Variants in IREB2 observed in about 807,000 individuals in gnomAD.
IREB2 encodes the protein iron responsive element binding protein 2, also known as iron-responsive element-binding protein 2.
Under a neutral mutation model 118.8 loss-of-function variants are expected in IREB2, and 39 were observed. That is an observed-to-expected ratio of 0.33 (90% confidence interval 0.25 to 0.43). The LOEUF is 0.43. Among genes scored for constraint, IREB2 ranks in the 20% least tolerant of loss-of-function variants. The pLI, the probability that IREB2 is intolerant of heterozygous loss-of-function variation, is 1.00. For synonymous variants in IREB2, 372 were observed against 392.2 expected (o/e 0.95, Z 0.61); for missense variants, 900 against 1,147.3 (o/e 0.78, Z 3.11).
At chr15:78,462,651 TATG>T (rs1386391564) in intron 2 of IREB2, among the ~76,000 whole-genome samples, 2 of 152,218 alleles carry the variant, frequency 1.3e-5, no homozygotes, top group Non-Finnish European at 2.9e-5. Flanking sequence ...ATAGTTGCAG[TATG>T]ATATTCCTAA....
rs574089689 is a variant in IREB2 at position 78,448,603 on chromosome 15, T to C, written c.106+8722T>C. Among the ~76,000 whole-genome samples, 37 of 152,382 alleles carry C rather than the reference T, an allele frequency of 2.4e-4. No individual in the cohort carries two copies. The East Asian group carries it at 5.6e-3, about 23-fold the overall frequency. On this transcript the variant is annotated intron_variant, in intron 2 of 21. Transcript: ENST00000258886. ...AGAGACAGAAACACTTACTTGACTC[T>C]AGTCAGACATAGGCATGGGTTAGTC...
In IREB2 at chr15:78,490,620, C is replaced by A; in HGVS notation, c.2183C>A (p.Thr728Asn). ...IRCPSFFDKL[T>N]KEPIALQAIE... is the part of the protein sequence containing the mutation. ...ATGCCTTGAACTTTTACCTTCTAGA[C>A]CAAAGAGCCAATTGCACTCCAGGCT... The change falls in exon 18 of 22, where the codon ACC (threonine) becomes AAC (asparagine). Residue 728 changes from threonine to asparagine, a missense_variant and splice_region_variant. Thr to Asn is a moderately conservative substitution (Grantham distance 65). Transcript: ENST00000258886. 1.2e-6 allele frequency: 2 copies of A among 1,613,920 alleles called. No individual in the cohort carries two copies. Among genetic ancestry groups the A allele is most frequent in the Non-Finnish European group, 1.7e-6 (2 of 1,179,916 alleles).
At chr15:78,497,425 C>A in intron 21 of IREB2, 114 bp downstream of exon 21, 3 of 764,518 alleles carry the variant, frequency 3.9e-6, no homozygotes, top group South Asian at 3.6e-5. Context: ...TGTTAAGTTG[C>A]CATTTAAGAT....
At chr15:78,488,604 A>G (rs1298628976) in intron 15 of IREB2, 43 bp from the exon 16 acceptor site, 4 of 1,557,708 alleles carry the variant, frequency 2.6e-6, no homozygotes, top group Non-Finnish European at 3.5e-6. Context: ...ACATTTTCAG[A>G]GTTATTTTTT....
intron 2 of IREB2, among the ~76,000 whole-genome samples, chr15:78,449,490 T>C (rs1015483395): frequency 1.3e-5 from 2 of 152,226 alleles, no homozygotes; most frequent in South Asian, 4.1e-4. Flanking sequence ...ATGTCCTATA[T>C]AGAGAGGTAG....
chr15:78,478,263 C>A (rs1324060579), intron 9 of IREB2, 34 bp from the exon 10 acceptor site: 1 of 1,320,976 alleles, frequency 7.6e-7, no homozygotes. Context: ...AAATTTCTCA[C>A]TGCATTTTGT....
intron 18 of IREB2, among the ~76,000 whole-genome samples, chr15:78,490,969 G>C (rs2051741780): frequency 6.6e-6 from 1 of 151,978 alleles, no homozygotes; most frequent in African/African-American, 2.4e-5. Context: ...TGTGACTTTA[G>C]AAAATGAAAT....
chr15:78,465,116 T>C (rs1474970123), intron 3 of IREB2, 135 bp from the exon 4 acceptor site: 5 of 685,860 alleles, frequency 7.3e-6, no homozygotes, highest in Admixed American at 3.3e-5. Flanking sequence ...TCCTAACTTA[T>C]AAAGTACATT....
intron 8 of IREB2, 160 bp downstream of exon 8, chr15:78,473,541 G>A (rs1274381873): frequency 1.7e-6 from 1 of 601,738 alleles, no homozygotes; most frequent in Non-Finnish European, 2.9e-6. Flanking sequence ...AACAAACAGA[G>A]CATTTAGTTT....
At chr15:78,463,579 C>G (rs762976774) in intron 3 of IREB2, among the ~76,000 whole-genome samples, 6 of 151,962 alleles carry the variant, frequency 3.9e-5, no homozygotes, top group Non-Finnish European at 8.8e-5. Context: ...TGAAGCAATT[C>G]ATTAAAAATT....
chr15:78,463,497 TTTG>T (rs1242833471), intron 3 of IREB2, among the ~76,000 whole-genome samples: 1 of 152,030 alleles, frequency 6.6e-6, no homozygotes, highest in African/African-American at 2.4e-5. Flanking sequence ...TCTGTGTTTT[TTTG>T]TTTTGTTTTG....
In IREB2 at chr15:78,485,828, T is replaced by A; in HGVS notation, c.1697T>A (p.Leu566Gln). The A allele has an allele frequency of 1.9e-6, 3 of 1,613,508 alleles. No homozygotes were observed. Among genetic ancestry groups the A allele is most frequent in the Non-Finnish European group, 2.5e-6 (3 of 1,179,632 alleles). The change falls in exon 13 of 22, where the codon CTA (leucine) becomes CAA (glutamine). Residue 566 changes from leucine (L) to glutamine (Q), a missense_variant. Physicochemically the swap from Leu to Gln is moderately radical, Grantham distance 113 (BLOSUM62 -2). Coordinates refer to ENST00000258886, the MANE Select transcript of IREB2 (RefSeq NM_004136.4). The part of the protein sequence containing the change: ...YLSSSGVLPY[L>Q]SKLGFEIVGY... The stretch of plus-strand genomic sequence containing the variant: ...AGTTCAAGTGGAGTATTACCATATC[T>A]AAGTAAGCTTGGGTAAGTAACAGCT...
intron 10 of IREB2, among the ~76,000 whole-genome samples, chr15:78,481,030 A>G (rs561197732): frequency 2.2e-3 from 327 of 151,700 alleles, no homozygotes; most frequent in Non-Finnish European, 3.6e-3. Context: ...AAAATTTCCC[A>G]GCAGACCAGG....
At chr15:78,452,038 A>G (rs2051034766) in intron 2 of IREB2, among the ~76,000 whole-genome samples, 1 of 152,214 alleles carries the variant, frequency 6.6e-6, no homozygotes, top group Admixed American at 6.5e-5. Context: ...CTGCTAAGGC[A>G]TCAGCAGTTT....
In IREB2 at chr15:78,478,308, G is replaced by A. The variant is rs2051507527; in HGVS notation, c.1207G>A (p.Ala403Thr). 6.2e-7 allele frequency: 1 copy of A among 1,610,362 alleles called. No individual in the cohort carries two copies. The highest frequency in any genetic ancestry group is 1.7e-5 in the Admixed American group (1 of 59,808). Residue 403 changes from alanine (A) to threonine (T), a missense_variant, in exon 10 of 22, where the codon GCC (alanine) becomes ACC (threonine). Ala to Thr is a moderately conservative substitution (Grantham distance 58). Transcript: ENST00000258886. ...CATCTTCGTTTTAGGTTTTAGCAAAGCCAAACTCGAATCAATGGAAACATA... is the reference window on the plus strand; with the variant it reads ...CATCTTCGTTTTAGGTTTTAGCAAAACCAAACTCGAATCAATGGAAACATA... ...KHLEHTGFSKAKLESMETYLK... is the reference protein window; with the variant it reads ...KHLEHTGFSKTKLESMETYLK...
In IREB2 at chr15:78,488,733, A is replaced by C; in HGVS notation, c.2038A>C (p.Ile680Leu). The C allele has an allele frequency of 6.4e-7, 1 of 1,557,690 alleles. No homozygotes were observed. The highest frequency in any genetic ancestry group is 2.2e-5 in the East Asian group (1 of 44,520). Residue 680 changes from isoleucine (I) to leucine (L), a missense_variant, in exon 16 of 22, where the codon ATA becomes CTA. Physicochemically the swap from Ile to Leu is conservative, Grantham distance 5. Transcript: ENST00000258886. ...EVHRVEEEHV[I>L]LSMFKALKDK... Reference sequence around the variant, plus strand: ...TCATCGAGTAGAGGAAGAACATGTTATACTATCCATGTTTAAAGCATTAAA... The same window carrying C: ...TCATCGAGTAGAGGAAGAACATGTTCTACTATCCATGTTTAAAGCATTAAA...
intron 11 of IREB2, among the ~76,000 whole-genome samples, chr15:78,484,379 A>G (rs2051623971): frequency 2.0e-5 from 3 of 152,154 alleles, no homozygotes. Context: ...TGCTACACTC[A>G]CACACATAGG....
At chr15:78,463,530 GGTTA>G (rs1567169338) in intron 3 of IREB2, among the ~76,000 whole-genome samples, 1 of 151,600 alleles carries the variant, frequency 6.6e-6, no homozygotes, top group East Asian at 1.9e-4. Context: ...GTTTTTTTAA[GGTTA>G]GTTTATAAAC....
chr15:78,477,849 A>T (rs933582416), intron 9 of IREB2, among the ~76,000 whole-genome samples: 2 of 152,142 alleles, frequency 1.3e-5, no homozygotes, highest in African/African-American at 4.8e-5. Flanking sequence ...TGAACCCAGG[A>T]GTTCAAAACT....
Sources: allele counts gnomAD v4.1 joint callset (sites outside exome capture counted in the v4.1 genomes callset), GRCh38; gene constraint gnomAD v4.1.1; transcripts MANE v1.5; gene names NCBI Gene and HGNC (gene_info 2026-07-23, HGNC 2026-07-21).